Variants in ZNF730 observed in about 807,000 individuals in gnomAD.
ZNF730 encodes the protein putative zinc finger protein 730.
Under a neutral mutation model 12.6 loss-of-function variants are expected in ZNF730, and 12 were observed. The ratio of observed to expected loss-of-function variants is 0.95; its 90% CI spans 0.61 to 1.54. The LOEUF is 1.54. ZNF730 is among the 40% of genes most tolerant of loss of function. The pLI is 0.00. For missense variants in ZNF730, 643 were observed against 583.5 expected (o/e 1.10, Z -1.05); for synonymous variants, 194 against 195.8 (o/e 0.99, Z 0.08).
rs375638342 is a variant in ZNF730, at chr19:23,131,125, C to G, written c.4-2955C>G. The stretch of plus-strand genomic sequence containing the variant: ...TGTTTTCCATTCCTGCAGATCTACT[C>G]GTTGCTCCCCAAGCCACAAGAAGTA... On this transcript the variant is annotated intron_variant, in intron 1 of 3. Transcript: ENST00000597761. Among the ~76,000 whole-genome samples, 141 of 152,258 alleles carry G rather than the reference C, an allele frequency of 9.3e-4. 1 individual carries two copies. Among genetic ancestry groups the G allele is most frequent in the African/African-American group, 3.3e-3 (138 of 41,550 alleles).
At chr19:23,142,687 C>CAAAAAA (rs55654522) in intron 3 of ZNF730, among the ~76,000 whole-genome samples, 10 of 75,606 alleles carry the variant, frequency 1.3e-4, no homozygotes, top group African/African-American at 4.4e-4. Flanking sequence ...GACTCTGTCT[C>CAAAAAA]AAAAAAAAAA....
chr19:23,102,528 C>T (rs1970347062), intron 1 of ZNF730, among the ~76,000 whole-genome samples: 1 of 149,676 alleles, frequency 6.7e-6, no homozygotes, highest in Non-Finnish European at 1.5e-5. Context: ...GATGGAGTTG[C>T]TCTGTCGCCC....
chr19:23,145,683 C>G lies in ZNF730; in HGVS notation c.639C>G (p.Ser213=), dbSNP rs751349047. 1 of 1,556,298 alleles carries G rather than the reference C, an allele frequency of 6.4e-7. No homozygotes were observed. Residue 213 remains serine (S), a synonymous_variant, in exon 4 of 4, where the codon TCC becomes TCG. Transcript: ENST00000597761. ...CEEYGKAFNE[S]SNCTTHKRIT... ...AATATGGCAAAGCCTTTAATGAGTC[C>G]TCAAACTGTACTACACATAAAAGAA... is the stretch of plus-strand genomic sequence containing the variant.
chr19:23,107,574 C>T (rs1229600909), intron 1 of ZNF730, among the ~76,000 whole-genome samples: 3 of 150,732 alleles, frequency 2.0e-5, no homozygotes, highest in African/African-American at 7.4e-5. Context: ...AGCAGTTTGT[C>T]CCTTTTGGCC....
At chr19:23,116,065 G>C (rs1354052883), upstream of ZNF730, among the ~76,000 whole-genome samples, 1 of 152,200 alleles carries the variant, frequency 6.6e-6, no homozygotes, top group African/African-American at 2.4e-5. Flanking sequence ...CTTAGTCCCC[G>C]CACGCACAGG....
rs556123915 is a variant in ZNF730, at chr19:23,085,836, C to CTTTTTTTTTTTTTTTTTTTT, written c.-94+10457_-94+10476dup. Among the ~76,000 whole-genome samples, 46 of 54,854 alleles carry CTTTTTTTTTTTTTTTTTTTT rather than the reference C, an allele frequency of 8.4e-4. 10 individuals carry two copies. Among genetic ancestry groups the CTTTTTTTTTTTTTTTTTTTT allele is most frequent in the African/African-American group, 1.9e-3 (23 of 12,032 alleles). 36.0% of individuals were successfully genotyped at this position (54,854 alleles called of 152,430 possible). ...GACCTATTTCACCCAATTTTTTTTTCTTTTTTTTTTTTTTTTTTTTTTTTT... is the reference window on the plus strand; with the variant it reads ...GACCTATTTCACCCAATTTTTTTTTCTTTTTTTTTTTTTTTTTTTTTTTTTTTTTTTTTTTTTTTTTTTTT... On this transcript the variant is annotated intron_variant, in intron 1 of 2. Transcript: ENST00000593635.
chr19:23,134,828 G>A (rs2145666674), intron 2 of ZNF730, among the ~76,000 whole-genome samples: 1 of 129,224 alleles, frequency 7.7e-6, no homozygotes, highest in South Asian at 2.8e-4. Context: ...TGGTTGCCGG[G>A]TCTGTGTGGA....
intron 1 of ZNF730, among the ~76,000 whole-genome samples, chr19:23,096,908 C>G (rs1453673159): frequency 6.6e-6 from 1 of 152,208 alleles, no homozygotes; most frequent in Non-Finnish European, 1.5e-5. Context: ...GACTTTATGG[C>G]ATGGGAACTG....
At chr19:23,114,300 CTTTTCTTTTTTTTT>C (rs1970489800), upstream of ZNF730, among the ~76,000 whole-genome samples, 1 of 119,540 alleles carries the variant, frequency 8.4e-6, no homozygotes, top group Admixed American at 8.9e-5. Flanking sequence ...TTTTCTTTTT[CTTTTCTTTTTTTTT>C]TTTTTTTTTT....
At chr19:23,104,735 A>C (rs1970372642) in intron 1 of ZNF730, among the ~76,000 whole-genome samples, 1 of 152,204 alleles carries the variant, frequency 6.6e-6, no homozygotes, top group South Asian at 2.1e-4. Context: ...GCTTCCCTTT[A>C]AAGAGTCAAG....
intron 1 of ZNF730, among the ~76,000 whole-genome samples, chr19:23,132,608 G>A (rs1286232320): frequency 1.3e-5 from 2 of 151,628 alleles, no homozygotes. Flanking sequence ...CTTTGTGGCT[G>A]TTGAACATGG....
intron 3 of ZNF730, among the ~76,000 whole-genome samples, chr19:23,136,550 G>A (rs750213934): frequency 7.2e-5 from 11 of 152,012 alleles, no homozygotes; most frequent in Non-Finnish European, 1.6e-4. Flanking sequence ...GATTACAGGC[G>A]TGCATCACCA....
chr19:23,088,300 G>A (rs1970100408), intron 1 of ZNF730, among the ~76,000 whole-genome samples: 1 of 152,110 alleles, frequency 6.6e-6, no homozygotes, highest in South Asian at 2.1e-4. Context: ...GATTACAGGT[G>A]TGAGCCACGC....
upstream of ZNF730, among the ~76,000 whole-genome samples, chr19:23,113,600 CCAAA>C (rs1970480710): frequency 6.6e-6 from 1 of 152,110 alleles, no homozygotes. Context: ...TGCACTAGGT[CCAAA>C]CAGACAAAAT....
chr19:23,116,347 TTA>T (rs1568310194), upstream of ZNF730, among the ~76,000 whole-genome samples: 1 of 140,174 alleles, frequency 7.1e-6, no homozygotes, highest in Admixed American at 6.9e-5. Flanking sequence ...CTTTCTTTCC[TTA>T]TTTCTTTTCT....
chr19:23,136,815 T>C lies in ZNF730; in HGVS notation c.226+772T>C, dbSNP rs369013346. Among the ~76,000 whole-genome samples the C allele has an allele frequency of 4.7e-4, 71 of 152,282 alleles. 1 individual carries two copies. The South Asian group carries it at 0.015, about 32-fold the overall frequency. ...ATGTAAATTTTGGAATTGTATTTTC[T>C]ATTACCTTAAATAACTGGAATTCTG... On this transcript the variant is annotated intron_variant, in intron 3 of 3. Coordinates refer to ENST00000597761, the MANE Select transcript of ZNF730 (RefSeq NM_001277403.2).
At chr19:23,095,247 C>T in intron 1 of ZNF730, 1 of 396,536 alleles carries the variant, frequency 2.5e-6, no homozygotes. Flanking sequence ...AATCTTCTGC[C>T]TTGGTTCTTC....
intron 1 of ZNF730, among the ~76,000 whole-genome samples, chr19:23,095,861 C>G (rs1970241527): frequency 6.6e-6 from 1 of 152,118 alleles, no homozygotes; most frequent in Non-Finnish European, 1.5e-5. Context: ...GAGAGAGTGA[C>G]TTATTACTGA....
At chr19:23,141,426 A>G (rs1970918412) in intron 3 of ZNF730, among the ~76,000 whole-genome samples, 1 of 151,894 alleles carries the variant, frequency 6.6e-6, no homozygotes, top group Non-Finnish European at 1.5e-5. Flanking sequence ...AAATAAACAG[A>G]CATGGTGTTG....
Sources: allele counts gnomAD v4.1 joint callset (sites outside exome capture counted in the v4.1 genomes callset), GRCh38; gene constraint gnomAD v4.1.1; transcripts MANE v1.5; gene names NCBI Gene and HGNC (gene_info 2026-07-23, HGNC 2026-07-21).